The following GPD2 variants were observed in gnomAD, a reference collection of about 807,000 sequenced individuals.
GPD2 encodes glycerol-3-phosphate dehydrogenase 2, also known as glycerol-3-phosphate dehydrogenase, mitochondrial.
A neutral mutation model predicts 82.4 loss-of-function variants in GPD2; 54 were observed. That is an observed-to-expected ratio of 0.66 (90% CI 0.53 to 0.82). The LOEUF is 0.82. Among genes scored for constraint, GPD2 ranks in the 40% least tolerant of loss-of-function variants. The pLI is 0.00. For synonymous variants in GPD2, 288 were observed against 306.1 expected (o/e 0.94, Z 0.62); for missense variants, 748 against 896.2 (o/e 0.83, Z 2.11).
intron 8 of GPD2, among the ~76,000 whole-genome samples, chr2:156,555,419 A>G (rs1299277774): frequency 3.3e-5 from 5 of 152,230 alleles, no homozygotes. Flanking sequence ...GATTAAATTT[A>G]TCATGTTTAT....
chr2:156,569,507 G>C lies in GPD2; in HGVS notation c.1445G>C (p.Arg482Thr). The C allele has an allele frequency of 6.2e-7, 1 of 1,613,216 alleles. No homozygotes were observed. The highest frequency in any genetic ancestry group is 2.2e-5 in the East Asian group (1 of 44,832). The change falls in exon 11 of 17, where the codon AGG (arginine) becomes ACG (threonine). Residue 482 changes from arginine (R) to threonine (T), a missense_variant. Arg to Thr is a moderately conservative substitution (Grantham distance 71). Around this residue, in one of 3 missense-constraint regions of GPD2, gnomAD observed 692 missense variants for 809.7 expected, o/e 0.85. Coordinates refer to ENST00000438166, the MANE Select transcript of GPD2 (RefSeq NM_000408.5). ...GATTGGAGCCCCACACTCTACATTA[G>C]GCTTGTGCAGGATTATGGACTTGAA... is the stretch of plus-strand genomic sequence containing the variant. ...GKDWSPTLYI[R>T]LVQDYGLESE...
the GPD2 span, among the ~76,000 whole-genome samples, chr2:156,413,453 T>G: frequency 6.7e-6 from 1 of 149,432 alleles, no homozygotes; most frequent in Admixed American, 6.6e-5. Flanking sequence ...GTGTGGTGGT[T>G]CGTGCCTGTA....
chr2:156,546,157 G>T (rs1308807849), intron 6 of GPD2, among the ~76,000 whole-genome samples: 1 of 152,212 alleles, frequency 6.6e-6, no homozygotes, highest in Non-Finnish European at 1.5e-5. Flanking sequence ...AACAGAGTCG[G>T]AAACAGATTT....
At chr2:156,439,513 G>GGAAAA in intron 1 of GPD2, among the ~76,000 whole-genome samples, 1 of 31,632 alleles carries the variant, frequency 3.2e-5, no homozygotes, top group South Asian at 2.0e-3. Context: ...GACTGTCTCA[G>GGAAAA]AAAAAAAAAA....
chr2:156,520,254 G>A lies in GPD2; in HGVS notation c.661+6758G>A, dbSNP rs550792809. On this transcript the variant is annotated intron_variant, in intron 6 of 16. Transcript: ENST00000438166. ...AAAACAACATTCGGGTGGGAAAACA[G>A]GGATATGAAGTTCTCATTTAGGGCC... 8.5e-5 allele frequency among the ~76,000 whole-genome samples: 13 copies of A among 152,284 alleles called. 1 individual carries two copies. In the Middle Eastern group the frequency reaches 0.02, roughly 239 times the overall value.
At chr2:156,547,438 A>G (rs528019201) in intron 6 of GPD2, among the ~76,000 whole-genome samples, 3 of 152,338 alleles carry the variant, frequency 2.0e-5, no homozygotes, top group Admixed American at 6.5e-5. Flanking sequence ...GGGAAATGAC[A>G]TGAATGTTCA....
At chr2:156,462,010 T>C (rs1035227433) in intron 1 of GPD2, among the ~76,000 whole-genome samples, 22 of 152,250 alleles carry the variant, frequency 1.4e-4, no homozygotes, top group Admixed American at 1.3e-4. Flanking sequence ...TCCTTTGCTA[T>C]TGGTATGTTT....
intron 2 of GPD2, among the ~76,000 whole-genome samples, chr2:156,493,926 A>ATG (rs542950582): frequency 1.9e-3 from 260 of 136,314 alleles, no homozygotes; most frequent in African/African-American, 4.3e-3. Flanking sequence ...ATATATATGT[A>ATG]TGTGTGTGTG....
At chr2:156,440,536 A>G (rs1184639933) in intron 1 of GPD2, among the ~76,000 whole-genome samples, 2 of 152,064 alleles carry the variant, frequency 1.3e-5, no homozygotes, top group Non-Finnish European at 2.9e-5. Context: ...GTGTTCTGGG[A>G]TTTGATCTCT....
chr2:156,476,192 T>C lies in GPD2; in HGVS notation c.87T>C (p.His29=). The change falls in exon 2 of 17, where the codon CAT becomes CAC. Residue 29 remains histidine, a synonymous_variant. Transcript: ENST00000438166. The part of the protein sequence containing the change: ...ATVLGLSQFA[H]YRRKQMNLAY... ...TTTTAGGACTTTCTCAGTTTGCTCATTACAGAAGGAAACAAGTAAGTAACT... is the reference window on the plus strand; with the variant it reads ...TTTTAGGACTTTCTCAGTTTGCTCACTACAGAAGGAAACAAGTAAGTAACT... The C allele has an allele frequency of 3.8e-6, 6 of 1,582,972 alleles. No homozygotes were observed. The highest frequency in any genetic ancestry group is 5.2e-6 in the Non-Finnish European group (6 of 1,151,790).
At chr2:156,418,684 G>C in the GPD2 span, among the ~76,000 whole-genome samples, 32 of 152,192 alleles carry the variant, frequency 2.1e-4, no homozygotes, top group Non-Finnish European at 4.1e-4. Context: ...TATACAAGGG[G>C]AGAATCACAG....
At chr2:156,575,340 G>T (rs2105372231) in intron 13 of GPD2, among the ~76,000 whole-genome samples, 1 of 151,848 alleles carries the variant, frequency 6.6e-6, no homozygotes, top group African/African-American at 2.4e-5. Flanking sequence ...GATCACGGAA[G>T]CTAGTAAGGA....
At position 156,549,694 on chromosome 2, in the gene GPD2, G is replaced by A. The variant is rs1426845699; in HGVS notation, c.748G>A (p.Val250Met). 3.7e-6 allele frequency: 6 copies of A among 1,613,896 alleles called. No individual in the cohort carries two copies. The African/African-American group carries it at 6.7e-5, about 18-fold the overall frequency. Residue 250 changes from valine (V) to methionine (M), a missense_variant, in exon 7 of 17, where the codon GTG becomes ATG. Coordinates refer to ENST00000438166, the MANE Select transcript of GPD2 (RefSeq NM_000408.5). The part of the protein sequence containing the change: ...GAATANYMEV[V>M]SLLKKTDPQT... ...TGCCACAGCCAATTACATGGAGGTA[G>A]TGAGCTTGCTCAAGAAGACAGACCC...
intron 1 of GPD2, among the ~76,000 whole-genome samples, chr2:156,460,406 T>A (rs1477413495): frequency 6.6e-6 from 1 of 152,156 alleles, no homozygotes; most frequent in Non-Finnish European, 1.5e-5. Flanking sequence ...TGAAATAAAA[T>A]GGGGATAGGC....
intron 6 of GPD2, among the ~76,000 whole-genome samples, chr2:156,545,122 G>C (rs1686480724): frequency 6.6e-6 from 1 of 152,060 alleles, no homozygotes; most frequent in Non-Finnish European, 1.5e-5. Context: ...ACACACGCAT[G>C]CCTACACACA....
At chr2:156,516,550 C>T (rs1473456429) in intron 6 of GPD2, among the ~76,000 whole-genome samples, 1 of 152,212 alleles carries the variant, frequency 6.6e-6, no homozygotes, top group Non-Finnish European at 1.5e-5. Context: ...AGCAATCCTC[C>T]TGCCTCAGTC....
chr2:156,480,791 T>TC (rs1424115453), intron 2 of GPD2, among the ~76,000 whole-genome samples: 1 of 150,694 alleles, frequency 6.6e-6, no homozygotes, highest in Non-Finnish European at 1.5e-5. Flanking sequence ...TTTTTTTTTT[T>TC]CCTGAGATGG....
At chr2:156,577,611 T>G (rs1261927447) in intron 13 of GPD2, among the ~76,000 whole-genome samples, 1 of 152,228 alleles carries the variant, frequency 6.6e-6, no homozygotes, top group Non-Finnish European at 1.5e-5. Context: ...TTCATTTCAC[T>G]TCACACTGGC....
chr2:156,495,617 G>A (rs1396293386), intron 2 of GPD2: 3 of 464,648 alleles, frequency 6.5e-6, no homozygotes, highest in East Asian at 1.4e-4. Context: ...CTGAGAAAGT[G>A]TGGAAAGACA....
Sources: allele counts gnomAD v4.1 joint callset (sites outside exome capture counted in the v4.1 genomes callset), GRCh38; gene constraint gnomAD v4.1.1; regional missense constraint gnomAD v4.1.1; transcripts MANE v1.5; gene names NCBI Gene and HGNC (gene_info 2026-07-23, HGNC 2026-07-21).